STAU2: variants seen among roughly 807,000 people sequenced by gnomAD.
STAU2 encodes double-stranded RNA-binding protein Staufen homolog 2.
Under a neutral mutation model 65.9 loss-of-function variants are expected in STAU2, and 20 were observed. The observed-to-expected ratio is 0.30, with a 90% CI of 0.21 to 0.44. STAU2 has a LOEUF of 0.44. STAU2 is among the 20% of genes least tolerant of loss of function. STAU2 has a pLI of 1.00. For synonymous variants in STAU2, 232 were observed against 233.9 expected (o/e 0.99, Z 0.07); for missense variants, 558 against 683.9 (o/e 0.82, Z 2.05).
chr8:73,688,740 T>G lies in STAU2; in HGVS notation c.188A>C (p.Gln63Pro), dbSNP rs1819125018. The change falls in exon 5 of 15, where the codon CAG becomes CCG. Residue 63 changes from glutamine to proline, a missense_variant. Physicochemically the swap from Gln to Pro is moderately conservative, Grantham distance 76 (BLOSUM62 -1). Around this residue, in one of 3 missense-constraint regions of STAU2, gnomAD observed 112 missense variants for 114.2 expected, o/e 0.98. Coordinates refer to ENST00000524300, the MANE Select transcript of STAU2 (RefSeq NM_001164380.2). ...AGTCAAAGCTTTATTGGCAACAGCC[T>G]GCTGAGCCTTCTTTATACTGCTGCC... ...SEGSSIKKAQ[Q>P]AVANKALTES... 1.9e-6 allele frequency: 3 copies of G among 1,614,196 alleles called. No homozygotes were observed. The highest frequency in any genetic ancestry group is 2.5e-6 in the Non-Finnish European group (3 of 1,180,030).
chr8:73,542,602 A>T (rs944880887), intron 13 of STAU2, among the ~76,000 whole-genome samples: 2 of 152,168 alleles, frequency 1.3e-5, no homozygotes, highest in Non-Finnish European at 2.9e-5. Flanking sequence ...TGGCCAGGAT[A>T]CAAAGAACTT....
chr8:73,687,587 G>A (rs1819021175), intron 5 of STAU2, among the ~76,000 whole-genome samples: 1 of 148,460 alleles, frequency 6.7e-6, no homozygotes. Flanking sequence ...TGCAGGGGTA[G>A]AAACAAGGTC....
intron 6 of STAU2, among the ~76,000 whole-genome samples, chr8:73,649,426 T>C (rs959289771): frequency 6.6e-6 from 1 of 152,170 alleles, no homozygotes; most frequent in African/African-American, 2.4e-5. Flanking sequence ...ACCCTGATCT[T>C]TGCAATTTTC....
At chr8:73,699,777 C>T (rs1033388984) in intron 4 of STAU2, among the ~76,000 whole-genome samples, 1 of 145,690 alleles carries the variant, frequency 6.9e-6, no homozygotes, top group African/African-American at 2.6e-5. Flanking sequence ...TCAAACTATT[C>T]TGAAAAATAG....
chr8:73,559,958 C>T (rs1394947374), intron 12 of STAU2, among the ~76,000 whole-genome samples: 1 of 148,094 alleles, frequency 6.8e-6, no homozygotes, highest in Admixed American at 6.7e-5. Context: ...AACAGCAAAA[C>T]AATGAAAAAA....
chr8:73,644,469 G>A (rs1390805790), intron 6 of STAU2, among the ~76,000 whole-genome samples: 3 of 150,520 alleles, frequency 2.0e-5, no homozygotes, highest in Non-Finnish European at 4.4e-5. Context: ...ATGTTATGAA[G>A]AATGGTCTGA....
At chr8:73,561,802 T>C (rs1808253358) in intron 12 of STAU2, among the ~76,000 whole-genome samples, 2 of 152,350 alleles carry the variant, frequency 1.3e-5, no homozygotes, top group African/African-American at 4.8e-5. Flanking sequence ...ATCAGGCTTG[T>C]TCCAAATGCT....
At chr8:73,650,259 T>C (rs1815757371) in intron 6 of STAU2, among the ~76,000 whole-genome samples, 1 of 152,108 alleles carries the variant, frequency 6.6e-6, no homozygotes, top group South Asian at 2.1e-4. Context: ...TTGGAAATCA[T>C]TTAAATTTTT....
chr8:73,659,666 C>T (rs1816679271), intron 6 of STAU2, among the ~76,000 whole-genome samples: 1 of 152,074 alleles, frequency 6.6e-6, no homozygotes, highest in Non-Finnish European at 1.5e-5. Flanking sequence ...GGTGAAAGAG[C>T]ATTGCTTCAA....
At chr8:73,454,829 G>A (rs1352963036) in intron 13 of STAU2, among the ~76,000 whole-genome samples, 1 of 152,196 alleles carries the variant, frequency 6.6e-6, no homozygotes, top group Non-Finnish European at 1.5e-5. Flanking sequence ...GGATTTAAAT[G>A]ACTTTATAGT....
intron 13 of STAU2, among the ~76,000 whole-genome samples, chr8:73,546,123 C>CTTTTTTTTTTTTTTTTTTTTTTTTTTT (rs71561528): frequency 2.1e-5 from 2 of 93,290 alleles, no homozygotes; most frequent in African/African-American, 4.2e-5. Context: ...GTTTGGTTTT[C>CTTTTTTTTTTTTTTTTTTTTTTTTTTT]TTTTTTTTTT....
At chr8:73,742,573 CAA>C (rs1033120815) in intron 1 of STAU2, among the ~76,000 whole-genome samples, 1 of 151,646 alleles carries the variant, frequency 6.6e-6, no homozygotes, top group African/African-American at 2.4e-5. Context: ...TCCTCTATCA[CAA>C]AAGTTTCCAG....
chr8:73,731,341 G>A (rs907491615), intron 3 of STAU2, among the ~76,000 whole-genome samples: 10 of 151,904 alleles, frequency 6.6e-5, no homozygotes, highest in Non-Finnish European at 7.4e-5. Context: ...AATTCTAATC[G>A]CCTTGATCTT....
rs548915200 is a variant in STAU2, at chr8:73,506,087, G to GC, written c.1530+45924dup. Among the ~76,000 whole-genome samples the GC allele has an allele frequency of 2.3e-3, 348 of 152,210 alleles. 3 individuals carry two copies. The highest frequency in any genetic ancestry group is 8.3e-3 in the Admixed American group (126 of 15,272). On this transcript the variant is annotated intron_variant, in intron 13 of 14. Coordinates refer to ENST00000524300, the MANE Select transcript of STAU2 (RefSeq NM_001164380.2). ...TGCTGTATAGCCTGCAGAACTATGAGCTAATGAACCCTATTTTCTTTATAA... is the reference window on the plus strand; with the variant it reads ...TGCTGTATAGCCTGCAGAACTATGAGCCTAATGAACCCTATTTTCTTTATAA...
intron 4 of STAU2, among the ~76,000 whole-genome samples, chr8:73,702,054 TAGA>T (rs899192453): frequency 5.3e-5 from 8 of 151,958 alleles, no homozygotes; most frequent in African/African-American, 1.9e-4. Flanking sequence ...AGATAGAGAA[TAGA>T]AGGATGGTTA....
At chr8:73,543,523 C>A (rs1475406856) in intron 13 of STAU2, among the ~76,000 whole-genome samples, 3 of 152,172 alleles carry the variant, frequency 2.0e-5, no homozygotes, top group African/African-American at 7.2e-5. Flanking sequence ...TCACAATTAA[C>A]TAATTTCCAA....
At chr8:73,541,475 A>C (rs1366372606) in intron 13 of STAU2, among the ~76,000 whole-genome samples, 5 of 152,212 alleles carry the variant, frequency 3.3e-5, no homozygotes, top group Non-Finnish European at 7.3e-5. Context: ...TAAAAATATT[A>C]ATCTGGGGAA....
chr8:73,451,068 C>G (rs940900509), intron 13 of STAU2, among the ~76,000 whole-genome samples: 1 of 152,194 alleles, frequency 6.6e-6, no homozygotes, highest in African/African-American at 2.4e-5. Flanking sequence ...CACACGCTGC[C>G]GGCAAAGCCT....
intron 13 of STAU2, among the ~76,000 whole-genome samples, chr8:73,528,555 G>A (rs1482911479): frequency 6.6e-6 from 1 of 152,010 alleles, no homozygotes; most frequent in Non-Finnish European, 1.5e-5. Flanking sequence ...AAAATTGTAA[G>A]CTAATAAAGT....
Sources: gnomAD v4.1 joint callset for allele counts (sites outside exome capture counted in the v4.1 genomes callset) on GRCh38, gnomAD v4.1.1 for gene constraint, gnomAD v4.1.1 regional missense constraint, MANE v1.5 for transcripts, NCBI Gene and HGNC (gene_info 2026-07-23, HGNC 2026-07-21) for gene names.